STARD7: variants seen among roughly 807,000 people sequenced by gnomAD.
The protein encoded by STARD7 is StAR related lipid transfer domain containing 7, also known as stAR-related lipid transfer protein 7, mitochondrial.
In STARD7, 30 loss-of-function variants were observed where a neutral mutation model predicts 45.3. That is an observed-to-expected ratio of 0.66 (90% confidence interval 0.50 to 0.90). The LOEUF is 0.90. Among genes scored for constraint, STARD7 ranks in the 40% least tolerant of loss-of-function variants. The pLI, the probability that STARD7 is intolerant of heterozygous loss-of-function variation, is 0.00. For synonymous variants in STARD7, 199 were observed against 183.0 expected (o/e 1.09, Z -0.70); for missense variants, 495 against 491.3 (o/e 1.01, Z -0.07).
chr2:96,203,647 G>A (rs1683341513), intron 1 of STARD7, among the ~76,000 whole-genome samples: 1 of 152,164 alleles, frequency 6.6e-6, no homozygotes, highest in South Asian at 2.1e-4. Flanking sequence ...AGGTTCTACT[G>A]ATACGGGACA....
intron 6 of STARD7, 117 bp downstream of exon 6, chr2:96,192,252 T>TC: frequency 1.2e-6 from 1 of 820,698 alleles, no homozygotes; most frequent in Non-Finnish European, 2.1e-6. Flanking sequence ...AGCATCAGAC[T>TC]CCCCCGAGCG....
chr2:96,199,316 G>A (rs1683271253), intron 1 of STARD7, among the ~76,000 whole-genome samples: 1 of 152,152 alleles, frequency 6.6e-6, no homozygotes, highest in Non-Finnish European at 1.5e-5. Context: ...ATGAACACGG[G>A]ATGTCTTTCA....
rs367622288 is a variant in STARD7, at chr2:96,208,106, C to T, written c.290+39G>A. The T allele has an allele frequency of 9.4e-6, 14 of 1,497,034 alleles. No individual in the cohort carries two copies. The African/African-American group carries it at 1.9e-4, about 20-fold the overall frequency. The allele number at this position is 1,497,034 out of a possible 1,614,324, so 92.7% of individuals were successfully genotyped here. A position where few individuals can be genotyped will look rare whatever the true frequency, so the allele number is the denominator to read the frequency against. ...CAGGCCCCAGGGTTCACAAGCCCCC[C>T]CACCCCACGGCCCAGAAAGAGCTCG... is the stretch of plus-strand genomic sequence containing the variant. On this transcript the variant is annotated intron_variant, in intron 1 of 7. Transcript: ENST00000337288.
intron 1 of STARD7, among the ~76,000 whole-genome samples, chr2:96,198,165 A>G (rs1683253803): frequency 1.3e-5 from 2 of 152,132 alleles, no homozygotes; most frequent in Admixed American, 1.3e-4. Context: ...TCTACTAAAA[A>G]TACAAAAATT....
chr2:96,207,990 C>A (rs1029712962), intron 1 of STARD7, among the ~76,000 whole-genome samples, 155 bp downstream of exon 1: 4 of 151,948 alleles, frequency 2.6e-5, no homozygotes, highest in African/African-American at 9.7e-5. Context: ...CACACAGAGA[C>A]AAATAACAAC....
intron 1 of STARD7, among the ~76,000 whole-genome samples, chr2:96,204,163 G>A (rs1683350507): frequency 6.6e-6 from 1 of 152,146 alleles, no homozygotes; most frequent in Non-Finnish European, 1.5e-5. Flanking sequence ...GCAAGGCTGA[G>A]GCACGAGAAT....
intron 5 of STARD7, 109 bp downstream of exon 5, chr2:96,192,969 G>A (rs183915409): frequency 2.6e-6 from 2 of 766,412 alleles, no homozygotes; most frequent in African/African-American, 1.7e-5. Context: ...TGGCTGCAGG[G>A]AAGCCTGTGG....
At chr2:96,206,843 A>G (rs1683399791) in intron 1 of STARD7, among the ~76,000 whole-genome samples, 2 of 150,964 alleles carry the variant, frequency 1.3e-5, no homozygotes, top group South Asian at 2.1e-4. Context: ...CGGACATTTC[A>G]TCATCAAAAA....
rs1252611229 is a variant in STARD7 at position 96,195,626 on chromosome 2, CAAG to C, written c.291-80_291-78del. 20 of 1,165,450 alleles carry C rather than the reference CAAG, an allele frequency of 1.7e-5. No individual in the cohort carries two copies. In the Admixed American group the frequency reaches 1.8e-4, roughly 10 times the overall value. The allele number at this position is 1,165,450 out of a possible 1,614,324, so 72.2% of individuals were successfully genotyped here. A position where few individuals can be genotyped will look rare whatever the true frequency, so the allele number is the denominator to read the frequency against. Reference sequence around the variant, plus strand: ...TGAAGTGTCCACACAAAGGTCTGTGCAAGAAGGTTATACAGTAAACCACAGTAT... The same window carrying C: ...TGAAGTGTCCACACAAAGGTCTGTGCAAGGTTATACAGTAAACCACAGTAT... On this transcript the variant is annotated intron_variant, in intron 1 of 7. Transcript: ENST00000337288.
In STARD7 at chr2:96,208,667, C is replaced by T. The variant is rs1683451914; in HGVS notation, c.-233G>A. On this transcript the variant is annotated 5_prime_UTR_variant, in exon 1 of 8. In the 5' UTR this introduces an upstream ATG that the reference lacks. Transcript: ENST00000337288. ...CCGGGATGGCTCCGCGACTGCTACA[C>T]CAGGCACTCCTGGGCCCGGGCAGCA... 2.2e-6 allele frequency: 1 copy of T among 457,470 alleles called. No individual in the cohort carries two copies. Among genetic ancestry groups the T allele is most frequent in the Non-Finnish European group, 3.8e-6 (1 of 261,844 alleles). The allele number at this position is 457,470 out of a possible 1,614,324, so 28.3% of individuals were successfully genotyped here. A position where few individuals can be genotyped will look rare whatever the true frequency, so the allele number is the denominator to read the frequency against.
At chr2:96,194,527 T>A (rs902807498) in intron 3 of STARD7, among the ~76,000 whole-genome samples, 48 of 152,206 alleles carry the variant, frequency 3.2e-4, no homozygotes, top group African/African-American at 1.1e-3. Flanking sequence ...ATGAAAGTGT[T>A]CCATCAGTGT....
At position 96,208,381 on chromosome 2, in the gene STARD7, G is replaced by A. The variant is rs921147649; in HGVS notation, c.54C>T (p.Gly18=). 1 of 1,490,608 alleles carries A rather than the reference G, an allele frequency of 6.7e-7. No individual in the cohort carries two copies. Among genetic ancestry groups the A allele is most frequent in the Non-Finnish European group, 8.8e-7 (1 of 1,130,680 alleles). 92.3% of individuals were successfully genotyped at this position (1,490,608 alleles called of 1,614,324 possible). A position where few individuals can be genotyped will look rare whatever the true frequency, so the allele number is the denominator to read the frequency against. Residue 18 remains glycine (G), a synonymous_variant, in exon 1 of 8, where the codon GGC becomes GGT. Coordinates refer to ENST00000337288, the MANE Select transcript of STARD7 (RefSeq NM_020151.4). ...AAWLAGTRGG[G]LLALLANQCR... ...ACTGATTGGCCAGAAGCGCCAGCAG[G>A]CCCCCGCCCCGCGTCCCCGCCAGCC... is the stretch of plus-strand genomic sequence containing the variant.
rs2104163020 is a variant in STARD7, at chr2:96,185,723, CCT to C, written c.*1005_*1006del. On this transcript the variant is annotated 3_prime_UTR_variant, in exon 8 of 8. Transcript: ENST00000337288. The stretch of plus-strand genomic sequence containing the variant: ...CCAAGGGAGTGGCCCAGCCCCCATT[CCT>C]CTGACTTTAGCCTTCTGAAAAGAAC... 1 of 152,312 alleles carries C rather than the reference CCT, an allele frequency of 6.6e-6. No individual in the cohort carries two copies. The highest frequency in any genetic ancestry group is 2.1e-4 in the South Asian group (1 of 4,826). The allele number at this position is 152,312 out of a possible 1,614,324, so 9.4% of individuals were successfully genotyped here. A position where few individuals can be genotyped will look rare whatever the true frequency, so the allele number is the denominator to read the frequency against.
intron 1 of STARD7, 59 bp from the exon 2 acceptor site, chr2:96,195,608 T>C: frequency 7.3e-7 from 1 of 1,373,914 alleles, no homozygotes; most frequent in Non-Finnish European, 1.0e-6. Context: ...AAATGAAGTG[T>C]CCACACAAAG....
intron 6 of STARD7, 30 bp downstream of exon 6, chr2:96,192,339 A>G (rs750002448): frequency 6.6e-7 from 1 of 1,509,842 alleles, no homozygotes; most frequent in South Asian, 1.1e-5. Context: ...CAGCCATGAC[A>G]TGTTATCTCT....
chr2:96,197,900 T>C (rs988511568), intron 1 of STARD7, among the ~76,000 whole-genome samples: 15 of 152,242 alleles, frequency 9.9e-5, no homozygotes, highest in African/African-American at 3.1e-4. Context: ...ACTTTATTCC[T>C]TTTTATAGCT....
chr2:96,205,961 A>T (rs1404913912), intron 1 of STARD7, among the ~76,000 whole-genome samples: 1 of 152,230 alleles, frequency 6.6e-6, no homozygotes, highest in Non-Finnish European at 1.5e-5. Context: ...AACCCTAAGA[A>T]GGGTCAAAGT....
intron 1 of STARD7, among the ~76,000 whole-genome samples, chr2:96,196,909 A>G (rs945572989): frequency 4.0e-5 from 6 of 151,414 alleles, no homozygotes; most frequent in African/African-American, 1.5e-4. Flanking sequence ...TCTACTAAAA[A>G]TACAAAATTA....
At chr2:96,194,683 A>G (rs1431753251) in intron 3 of STARD7, among the ~76,000 whole-genome samples, 1 of 152,242 alleles carries the variant, frequency 6.6e-6, no homozygotes, top group African/African-American at 2.4e-5. Flanking sequence ...GGAAAAAAAC[A>G]ATAAAGCCTC....
Sources: gnomAD v4.1 joint callset for allele counts (sites outside exome capture counted in the v4.1 genomes callset) on GRCh38, gnomAD v4.1.1 for gene constraint, MANE v1.5 for transcripts, NCBI Gene and HGNC (gene_info 2026-07-23, HGNC 2026-07-21) for gene names.